DMD: variants seen among roughly 807,000 people sequenced by gnomAD.
The protein encoded by DMD is dystrophin.
In DMD, 63 loss-of-function variants were observed where a neutral mutation model predicts 330.1. The ratio of observed to expected loss-of-function variants is 0.19; its 90% CI spans 0.16 to 0.24. DMD has a LOEUF of 0.24. Among genes scored for constraint, DMD ranks in the 10% least tolerant of loss-of-function variants. The probability of loss-of-function intolerance (pLI) is 1.00; values close to 1 mark genes in which losing one functional copy is unlikely to be tolerated. For synonymous variants in DMD, 1,223 were observed against 959.8 expected (o/e 1.27, Z -5.07); for missense variants, 3,344 against 2,684.1 (o/e 1.25, Z -5.43).
intron 18 of DMD, 77 bp from the exon 19 acceptor site, chrX:32,501,919 C>T (rs965838236): frequency 1.3e-6 from 1 of 756,442 alleles, no homozygotes; most frequent in Non-Finnish European, 2.0e-6. Flanking sequence ...TTCTACTTGC[C>T]CTTTCAAGCC....
intron 21 of DMD, among the ~76,000 whole-genome samples, chrX:32,478,334 T>G (rs1438962532): frequency 8.9e-6 from 1 of 111,852 alleles, no homozygotes; most frequent in Non-Finnish European, 1.9e-5. Context: ...ACTTGAGCCT[T>G]TAATTCCATG....
intron 2 of DMD, among the ~76,000 whole-genome samples, chrX:32,887,769 A>C (rs889554178): frequency 2.0e-5 from 2 of 102,087 alleles, no homozygotes; most frequent in Admixed American, 1.1e-4. Flanking sequence ...AAAAAAAAAA[A>C]AAAAAAACAT....
At chrX:32,386,954 A>C (rs2097962683) in intron 32 of DMD, among the ~76,000 whole-genome samples, 1 of 110,580 alleles carries the variant, frequency 9.0e-6, no homozygotes, top group Admixed American at 9.8e-5. Flanking sequence ...TATTGTTCTC[A>C]TGGTACTTAC....
chrX:32,622,770 C>T (rs1040302541), intron 11 of DMD, among the ~76,000 whole-genome samples: 2 of 111,321 alleles, frequency 1.8e-5, no homozygotes, highest in African/African-American at 3.3e-5. Context: ...TGGTGCCCCC[C>T]GGGGTCTTGA....
At chrX:32,327,840 T>C (rs758184434) in intron 41 of DMD, among the ~76,000 whole-genome samples, 1 of 111,892 alleles carries the variant, frequency 8.9e-6, no homozygotes, top group Non-Finnish European at 1.9e-5. Flanking sequence ...GAAAAGGTAA[T>C]TAACTGAGAA....
chrX:32,563,590 A>G (rs1248335327), intron 16 of DMD, among the ~76,000 whole-genome samples: 1 of 111,533 alleles, frequency 9.0e-6, no homozygotes. Context: ...AGAATTATAC[A>G]AGTTGGAAGA....
chrX:32,492,822 G>A (rs2043133642), intron 19 of DMD, among the ~76,000 whole-genome samples: 2 of 111,553 alleles, frequency 1.8e-5, no homozygotes, highest in African/African-American at 6.5e-5. Flanking sequence ...CTTATACTTT[G>A]GAAATACTGA....
intron 1 of DMD, among the ~76,000 whole-genome samples, chrX:33,210,605 G>A (rs1028368433): frequency 3.6e-5 from 4 of 111,351 alleles, no homozygotes; most frequent in Middle Eastern, 4.7e-3. Context: ...TTTGTATGTC[G>A]TTTACCCAAG....
intron 62 of DMD, among the ~76,000 whole-genome samples, chrX:31,272,892 A>G (rs747978461): frequency 1.1e-4 from 12 of 112,361 alleles, no homozygotes; most frequent in Non-Finnish European, 1.7e-4. Flanking sequence ...TAGAAATTAC[A>G]GTTTTTCTTT....
intron 44 of DMD, among the ~76,000 whole-genome samples, chrX:32,149,978 G>A (rs1463859784): frequency 8.9e-6 from 1 of 111,950 alleles, no homozygotes; most frequent in African/African-American, 3.2e-5. Flanking sequence ...TCTGCAACCA[G>A]CAGTCATTGA....
intron 60 of DMD, among the ~76,000 whole-genome samples, chrX:31,376,013 C>T (rs2059866162): frequency 9.0e-6 from 1 of 111,648 alleles, no homozygotes; most frequent in Non-Finnish European, 1.9e-5. Context: ...ATGATTGAAG[C>T]TCCCTGCCTC....
chrX:32,272,921 A>C, intron 43 of DMD, among the ~76,000 whole-genome samples: 1 of 106,338 alleles, frequency 9.4e-6, no homozygotes, highest in African/African-American at 3.9e-5. Flanking sequence ...TTGCTAATTA[A>C]ATTTAGGTAA....
chrX:32,082,429 T>TATC (rs72147909), intron 44 of DMD, among the ~76,000 whole-genome samples: 2 of 109,240 alleles, frequency 1.8e-5, no homozygotes, highest in Non-Finnish European at 3.8e-5. Context: ...TCTATCTATC[T>TATC]ATCTATCTAT....
At chrX:31,703,542 C>T (rs780814129) in intron 52 of DMD, among the ~76,000 whole-genome samples, 74 of 112,158 alleles carry the variant, frequency 6.6e-4, no homozygotes, top group African/African-American at 2.0e-3. Context: ...TCCATGCTAC[C>T]TTGTGAGTTT....
At chrX:32,034,713 T>C (rs2095926406) in intron 44 of DMD, among the ~76,000 whole-genome samples, 2 of 111,470 alleles carry the variant, frequency 1.8e-5, no homozygotes, top group South Asian at 7.4e-4. Context: ...TGCATTGAAA[T>C]CAACTCAAAC....
chrX:32,719,008 G>A lies in DMD; in HGVS notation c.650-19715C>T, dbSNP rs188433839. Reference sequence around the variant, plus strand: ...CGGGGAAGAGGCTATATTCTTGGTAGCAAAATAGTCTGATTCAATTACCTA... The same window carrying A: ...CGGGGAAGAGGCTATATTCTTGGTAACAAAATAGTCTGATTCAATTACCTA... On this transcript the variant is annotated intron_variant, in intron 7 of 78. Transcript: ENST00000357033. Among the ~76,000 whole-genome samples the A allele has an allele frequency of 9.8e-5, 11 of 111,693 alleles. No homozygotes were observed. In the East Asian group the frequency reaches 3.1e-3, roughly 32 times the overall value.
At chrX:31,292,274 G>A (rs1159613709) in intron 62 of DMD, among the ~76,000 whole-genome samples, 4 of 110,866 alleles carry the variant, frequency 3.6e-5, no homozygotes, top group African/African-American at 1.3e-4. Flanking sequence ...AAAGAAGGAT[G>A]AATCAATAAA....
chrX:32,249,337 C>CA (rs2097254229), intron 43 of DMD, among the ~76,000 whole-genome samples: 2 of 111,363 alleles, frequency 1.8e-5, no homozygotes, highest in East Asian at 2.8e-4. Context: ...TTTCAAAGCA[C>CA]AAAAAAATAC....
intron 50 of DMD, among the ~76,000 whole-genome samples, chrX:31,776,927 G>A (rs1300922337): frequency 9.0e-6 from 1 of 111,709 alleles, no homozygotes; most frequent in East Asian, 2.8e-4. Flanking sequence ...CAGTATTTCT[G>A]GTCTTCTCTT....
Sources: gnomAD v4.1 joint callset for allele counts (sites outside exome capture counted in the v4.1 genomes callset) on GRCh38, gnomAD v4.1.1 for gene constraint, MANE v1.5 for transcripts, NCBI Gene and HGNC (gene_info 2026-07-23, HGNC 2026-07-21) for gene names.